The following PPM1E variants were observed in gnomAD, a reference collection of about 807,000 sequenced individuals.
PPM1E encodes protein phosphatase, Mg2+/Mn2+ dependent 1E.
A neutral mutation model predicts 65.9 loss-of-function variants in PPM1E; 20 were observed. The ratio of observed to expected loss-of-function variants is 0.30; its 90% confidence interval spans 0.21 to 0.44. The LOEUF (loss-of-function observed/expected upper bound fraction) is 0.44. Ranked by LOEUF, PPM1E falls within the 20% of genes least tolerant of loss-of-function variation. PPM1E has a pLI of 1.00. For synonymous variants in PPM1E, 352 were observed against 374.9 expected (o/e 0.94, Z 0.70); for missense variants, 713 against 953.1 (o/e 0.75, Z 3.32).
intron 1 of PPM1E, among the ~76,000 whole-genome samples, chr17:58,806,896 A>G (rs1383838735): frequency 6.6e-6 from 1 of 151,076 alleles, no homozygotes; most frequent in Non-Finnish European, 1.5e-5. Flanking sequence ...TAGTAGATAC[A>G]GGGTTTTACC....
chr17:58,981,205 AAAG>A lies in PPM1E; in HGVS notation c.*178_*180del, dbSNP rs1405175482. 8.7e-6 allele frequency: 5 copies of A among 576,068 alleles called. No homozygotes were observed. Among genetic ancestry groups the A allele is most frequent in the Admixed American group, 3.5e-5 (1 of 28,406 alleles). 35.7% of individuals were successfully genotyped at this position (576,068 alleles called of 1,614,324 possible). A position where few individuals can be genotyped will look rare whatever the true frequency, so the allele number is the denominator to read the frequency against. On this transcript the variant is annotated 3_prime_UTR_variant, in exon 7 of 7. Transcript: ENST00000308249. ...TCAAAGTACAGTGTTTTCAATCTAAAAAGAAGTATTGGCAGTTTCACTTGCAAA... is the reference window on the plus strand; with the variant it reads ...TCAAAGTACAGTGTTTTCAATCTAAAAAGTATTGGCAGTTTCACTTGCAAA...
At chr17:58,841,020 G>A (rs539750992) in intron 1 of PPM1E, among the ~76,000 whole-genome samples, 4 of 152,290 alleles carry the variant, frequency 2.6e-5, no homozygotes, top group Admixed American at 1.3e-4. Context: ...TCGGGAACAG[G>A]ATATTGTGCA....
At chr17:58,911,261 G>T (rs2143504393) in intron 1 of PPM1E, among the ~76,000 whole-genome samples, 2 of 152,292 alleles carry the variant, frequency 1.3e-5, no homozygotes, top group Admixed American at 1.3e-4. Flanking sequence ...TTTACTTGTT[G>T]TTAGGTTGGA....
At chr17:58,788,857 A>G (rs1567833891) in intron 1 of PPM1E, among the ~76,000 whole-genome samples, 1 of 152,216 alleles carries the variant, frequency 6.6e-6, no homozygotes, top group Non-Finnish European at 1.5e-5. Context: ...AAACTGATCA[A>G]CTAAAGAGTT....
At chr17:58,929,129 A>G (rs1278015252) in intron 1 of PPM1E, among the ~76,000 whole-genome samples, 4 of 152,222 alleles carry the variant, frequency 2.6e-5, no homozygotes, top group Non-Finnish European at 5.9e-5. Flanking sequence ...ATCAACAATA[A>G]AAAGTAATTA....
intron 5 of PPM1E, 128 bp from the exon 6 acceptor site, chr17:58,972,704 C>T: frequency 1.2e-6 from 1 of 827,230 alleles, no homozygotes; most frequent in South Asian, 1.6e-5. Flanking sequence ...CTGTGCCCAC[C>T]CTCCAATGGA....
chr17:58,942,599 G>T (rs924850456), intron 1 of PPM1E, among the ~76,000 whole-genome samples: 2 of 151,972 alleles, frequency 1.3e-5, no homozygotes, highest in Non-Finnish European at 2.9e-5. Context: ...TAGATTTTGT[G>T]CCCAAGTACT....
At chr17:58,873,698 A>T (rs2051098019) in intron 1 of PPM1E, among the ~76,000 whole-genome samples, 1 of 150,654 alleles carries the variant, frequency 6.6e-6, no homozygotes, top group Non-Finnish European at 1.5e-5. Context: ...GGCTCAAGTG[A>T]TCCTCCTGCC....
chr17:58,975,008 G>A (rs1387794685), intron 6 of PPM1E, among the ~76,000 whole-genome samples: 5 of 152,142 alleles, frequency 3.3e-5, no homozygotes, highest in African/African-American at 1.2e-4. Flanking sequence ...ACCCTTATAT[G>A]GAATTATTAT....
At chr17:58,834,305 C>T (rs1327628128) in intron 1 of PPM1E, among the ~76,000 whole-genome samples, 1 of 152,058 alleles carries the variant, frequency 6.6e-6, no homozygotes, top group Non-Finnish European at 1.5e-5. Flanking sequence ...TAAATTATTT[C>T]TCAAATATAT....
intron 1 of PPM1E, among the ~76,000 whole-genome samples, chr17:58,757,497 T>C (rs1331272300): frequency 6.6e-6 from 1 of 152,202 alleles, no homozygotes; most frequent in Non-Finnish European, 1.5e-5. Context: ...TGGGAAGTCT[T>C]TTGCCATTCA....
chr17:58,808,303 A>C (rs1343970109), intron 1 of PPM1E, among the ~76,000 whole-genome samples: 1 of 152,204 alleles, frequency 6.6e-6, no homozygotes. Context: ...TTGCTCTTCC[A>C]TATAACCCTT....
intron 1 of PPM1E, among the ~76,000 whole-genome samples, chr17:58,950,073 A>G (rs577589356): frequency 1.3e-5 from 2 of 152,282 alleles, no homozygotes; most frequent in East Asian, 3.9e-4. Flanking sequence ...CCTTTTGACA[A>G]TTTGACAGCT....
At chr17:58,777,047 C>T (rs1165307370) in intron 1 of PPM1E, among the ~76,000 whole-genome samples, 1 of 151,994 alleles carries the variant, frequency 6.6e-6, no homozygotes, top group African/African-American at 2.4e-5. Context: ...GCCTGGGCAA[C>T]ATAGCAAGTC....
chr17:58,881,255 G>C (rs781247623), intron 1 of PPM1E, among the ~76,000 whole-genome samples: 1 of 152,320 alleles, frequency 6.6e-6, no homozygotes, highest in East Asian at 1.9e-4. Context: ...AAGGCTGGGC[G>C]CAGTGGCTCA....
At chr17:58,911,062 AC>A (rs1192749107) in intron 1 of PPM1E, among the ~76,000 whole-genome samples, 1 of 152,066 alleles carries the variant, frequency 6.6e-6, no homozygotes, top group Non-Finnish European at 1.5e-5. Context: ...TCAGACTTCT[AC>A]ACCTAGTCTC....
intron 1 of PPM1E, among the ~76,000 whole-genome samples, chr17:58,773,137 T>C (rs2049957369): frequency 6.6e-6 from 1 of 152,102 alleles, no homozygotes; most frequent in African/African-American, 2.4e-5. Flanking sequence ...TGTTTCTCTT[T>C]ATCAGTATTC....
At chr17:58,799,120 G>A (rs1016338884) in intron 1 of PPM1E, among the ~76,000 whole-genome samples, 2 of 152,128 alleles carry the variant, frequency 1.3e-5, no homozygotes, top group African/African-American at 4.8e-5. Flanking sequence ...TTGTTCTGGC[G>A]CTATTTGTTG....
chr17:58,762,968 G>A (rs1019748215), intron 1 of PPM1E, among the ~76,000 whole-genome samples: 1 of 151,156 alleles, frequency 6.6e-6, no homozygotes, highest in Non-Finnish European at 1.5e-5. Context: ...CAAAATTCAT[G>A]TTGATCCATG....
Sources: gnomAD v4.1 joint callset for allele counts (sites outside exome capture counted in the v4.1 genomes callset) on GRCh38, gnomAD v4.1.1 for gene constraint, MANE v1.5 for transcripts, NCBI Gene and HGNC (gene_info 2026-07-23, HGNC 2026-07-21) for gene names.